The following COL6A3 variants were observed in gnomAD, a reference collection of about 807,000 sequenced individuals.
COL6A3 encodes collagen alpha-3(VI) chain.
Under a neutral mutation model 274.1 loss-of-function variants are expected in COL6A3, and 137 were observed. That is an observed-to-expected ratio of 0.50 (90% CI 0.44 to 0.58). The LOEUF is 0.58. COL6A3 is among the 20% of genes least tolerant of loss of function. COL6A3 has a pLI of 0.00. For synonymous variants in COL6A3, 1,650 were observed against 1,650.6 expected (o/e 1.00, Z 0.01); for missense variants, 3,950 against 4,124.9 (o/e 0.96, Z 1.16).
At chr2:237,336,619 G>A (rs1574932578) in intron 39 of COL6A3, 87 bp from the exon 40 acceptor site, 1 of 1,435,226 alleles carries the variant, frequency 7.0e-7, no homozygotes, top group Non-Finnish European at 9.7e-7. Context: ...CATTAAATTT[G>A]TTTTAGCAAA....
At chr2:237,330,823 TCTC>T (rs1437107932) in intron 42 of COL6A3, among the ~76,000 whole-genome samples, 1 of 152,218 alleles carries the variant, frequency 6.6e-6, no homozygotes, top group Admixed American at 6.5e-5. Flanking sequence ...ACACTGGTCC[TCTC>T]CTCTTCCCCT....
rs11903206 is a variant in COL6A3 at position 237,336,278 on chromosome 2, G to C, written c.8822C>G (p.Ala2941Gly). Residue 2941 changes from alanine to glycine, a missense_variant, in exon 40 of 44, where the codon GCA becomes GGA. By Grantham distance (60) the Ala-to-Gly change is moderately conservative. Around this residue, in one of 5 missense-constraint regions of COL6A3, gnomAD observed 1,284 missense variants for 1,349.7 expected, o/e 0.95. Transcript: ENST00000295550. ...TGGCTTTGCTGCTACAGGCTTCGCT[G>C]CCGTTGCTGGCTTCACCGCCACTGG... is the stretch of plus-strand genomic sequence containing the variant. ...RPPVAVKPAT[A>G]AKPVAAKPAA... The C allele has an allele frequency of 6.2e-7, 1 of 1,613,930 alleles. No homozygotes were observed. The highest frequency in any genetic ancestry group is 1.3e-5 in the African/African-American group (1 of 74,930).
intron 4 of COL6A3, among the ~76,000 whole-genome samples, chr2:237,384,929 C>T (rs2078107807): frequency 6.6e-6 from 1 of 152,184 alleles, no homozygotes; most frequent in Non-Finnish European, 1.5e-5. Context: ...TCCAGCTACA[C>T]TGCCTTCTGA....
rs565512520 is a variant in COL6A3, at chr2:237,402,401, A to G, written c.-30-5554T>C. Among the ~76,000 whole-genome samples the G allele has an allele frequency of 3.9e-5, 6 of 152,338 alleles. No individual in the cohort carries two copies. The South Asian group carries it at 1.2e-3, about 32-fold the overall frequency. On this transcript the variant is annotated intron_variant, in intron 1 of 43. Coordinates refer to ENST00000295550, the MANE Select transcript of COL6A3 (RefSeq NM_004369.4). ...TTATATGGTTTTTACCACAATTAAAATAGAAATGAGGACAGGAAATATCAT... is the reference window on the plus strand; with the variant it reads ...TTATATGGTTTTTACCACAATTAAAGTAGAAATGAGGACAGGAAATATCAT...
intron 1 of COL6A3, among the ~76,000 whole-genome samples, chr2:237,400,477 G>A (rs1035024056): frequency 2.0e-5 from 3 of 151,882 alleles, no homozygotes; most frequent in Admixed American, 1.3e-4. Context: ...GAGGAAAATA[G>A]CACACCAAGA....
intron 4 of COL6A3, among the ~76,000 whole-genome samples, chr2:237,382,637 C>G (rs540166532): frequency 6.6e-6 from 1 of 152,296 alleles, no homozygotes; most frequent in East Asian, 1.9e-4. Flanking sequence ...CTGAGATGGA[C>G]TGTTTTGCAA....
At chr2:237,351,848 C>A (rs2077213532) in intron 26 of COL6A3, among the ~76,000 whole-genome samples, 1 of 152,206 alleles carries the variant, frequency 6.6e-6, no homozygotes, top group Non-Finnish European at 1.5e-5. Context: ...CAAGTTCTTG[C>A]CTGCTTCCAC....
rs773673162 is a variant in COL6A3, at chr2:237,344,941, C to T, written c.7174G>A (p.Gly2392Arg). The T allele has an allele frequency of 6.2e-5, 100 of 1,613,850 alleles. No homozygotes were observed. The highest frequency in any genetic ancestry group is 2.3e-4 in the African/African-American group (17 of 74,874). ...SIKDKCPCCY[G>R]PLECPVFPTE... ...GAGAAAGTCACCAAAATCAACTTAC[C>T]GTAACAGCAAGCTAGAAAAGAAGCA... is the stretch of plus-strand genomic sequence containing the variant. The change falls in exon 35 of 44, where the codon GGG becomes AGG. Residue 2392 changes from glycine to arginine, a missense_variant and splice_region_variant. By Grantham distance (125) the Gly-to-Arg change is moderately radical. Transcript: ENST00000295550. This position sits in a 1 kb window ranked among gnomAD's most constrained non-coding sequence, Gnocchi z 4.8.
intron 4 of COL6A3, among the ~76,000 whole-genome samples, 198 bp downstream of exon 4, chr2:237,387,384 A>G (rs1331448134): frequency 6.6e-6 from 1 of 152,080 alleles, no homozygotes; most frequent in Non-Finnish European, 1.5e-5. Context: ...GCTTTCACTC[A>G]CTCATTGGTC....
chr2:237,401,910 C>T (rs2078599946), intron 1 of COL6A3, among the ~76,000 whole-genome samples: 1 of 152,082 alleles, frequency 6.6e-6, no homozygotes, highest in Non-Finnish European at 1.5e-5. Flanking sequence ...GTCTTGAACT[C>T]CTGGGCTCAA....
Position 237,344,222 on chromosome 2 carries a change from G to A in COL6A3, c.7668+128C>T. The A allele has an allele frequency of 1.4e-6, 2 of 1,409,600 alleles. No individual in the cohort carries two copies. Among genetic ancestry groups the A allele is most frequent in the Non-Finnish European group, 2.0e-6 (2 of 1,003,518 alleles). 87.3% of individuals were successfully genotyped at this position (1,409,600 alleles called of 1,614,324 possible). ...ACCTCACAAGAGAAGTTCTCAGGCAGATGGCCTCATTGGGGACGTTTTAGG... is the reference window on the plus strand; with the variant it reads ...ACCTCACAAGAGAAGTTCTCAGGCAAATGGCCTCATTGGGGACGTTTTAGG... On this transcript the variant is annotated intron_variant, in intron 36 of 43. Transcript: ENST00000295550. This position sits in a 1 kb window ranked among gnomAD's most constrained non-coding sequence, Gnocchi z 4.8.
At chr2:237,357,707 G>T in intron 22 of COL6A3, 110 bp downstream of exon 22, 2 of 1,074,458 alleles carry the variant, frequency 1.9e-6, no homozygotes, top group Non-Finnish European at 2.9e-6. Flanking sequence ...AGGCTACGTT[G>T]CAGTGTTAAA....
chr2:237,378,739 G>C lies in COL6A3; in HGVS notation c.2394C>G (p.Leu798=), dbSNP rs2106366626. ...QIAFNPSLVY[L]MDDFSSLPAL... is the part of the protein sequence containing the mutation. ...CTGGCAGGGAGCTGAAATCATCCAT[G>C]AGATACACCAGGCTTGGGTTAAAAG... The change falls in exon 6 of 44, where the codon CTC becomes CTG. Residue 798 remains leucine, a synonymous_variant. Coordinates refer to ENST00000295550, the MANE Select transcript of COL6A3 (RefSeq NM_004369.4). The C allele has an allele frequency of 6.2e-7, 1 of 1,614,140 alleles. No individual in the cohort carries two copies. The highest frequency in any genetic ancestry group is 1.3e-5 in the African/African-American group (1 of 75,058).
At chr2:237,346,304 A>AT (rs917942545) in intron 32 of COL6A3, among the ~76,000 whole-genome samples, 199 bp downstream of exon 32, 18 of 152,146 alleles carry the variant, frequency 1.2e-4, no homozygotes, top group Non-Finnish European at 2.2e-4. Context: ...CATGAAACCT[A>AT]TTTTTTTAAA....
At position 237,369,151 on chromosome 2, in the gene COL6A3, CA is replaced by C; in HGVS notation, c.4311del (p.Ile1437MetfsTer4). On this transcript the variant is annotated frameshift_variant, in exon 10 of 44. Coordinates refer to ENST00000295550, the MANE Select transcript of COL6A3 (RefSeq NM_004369.4). LOFTEE classifies it high-confidence loss of function. ...CCCTCAGAGCTGTCGATCAGAAAGA[CA>C]ATGTCTGCAGCATCACTCTCAACTG... is the stretch of plus-strand genomic sequence containing the variant. The part of the protein sequence containing the change: ...PPAVESDAAD[I>X]VFLIDSSEGV... 1 of 1,613,038 alleles carries C rather than the reference CA, an allele frequency of 6.2e-7. No homozygotes were observed. Among genetic ancestry groups the C allele is most frequent in the Non-Finnish European group, 8.5e-7 (1 of 1,180,040 alleles).
rs758719329 is a variant in COL6A3 at position 237,367,146 on chromosome 2, C to G, written c.5041G>C (p.Val1681Leu). 5.6e-6 allele frequency: 9 copies of G among 1,614,082 alleles called. No individual in the cohort carries two copies. Among genetic ancestry groups the G allele is most frequent in the Non-Finnish European group, 2.5e-6 (3 of 1,180,042 alleles). Residue 1681 changes from valine (V) to leucine (L), a missense_variant, in exon 11 of 44, where the codon GTC becomes CTC. Around this residue, in one of 5 missense-constraint regions of COL6A3, gnomAD observed 632 missense variants for 623.4 expected, o/e 1.01. Transcript: ENST00000295550. ...EDGDSIQVGL[V>L]QYNSDPTDEF... The stretch of plus-strand genomic sequence containing the variant: ...TCAGTGGGGTCAGAGTTGTACTGGA[C>G]AAGCCCCACTTGGATGGAGTCGCCA...
chr2:237,382,704 AAAAGCAGAC>A (rs1184375992), intron 4 of COL6A3, among the ~76,000 whole-genome samples: 1 of 152,254 alleles, frequency 6.6e-6, no homozygotes, highest in East Asian at 1.9e-4. Context: ...TTGATTTTGT[AAAAGCAGAC>A]AAAGGAAACA....
intron 42 of COL6A3, chr2:237,327,052 T>C (rs1699981628): frequency 6.6e-6 from 1 of 152,152 alleles, no homozygotes; most frequent in Non-Finnish European, 1.5e-5. Flanking sequence ...CTCCAGGAAG[T>C]CAGAATAAAA....
Position 237,352,689 on chromosome 2 carries a change from T to A in COL6A3, c.6691-105A>T. The A allele has an allele frequency of 2.6e-6, 3 of 1,136,378 alleles. No homozygotes were observed. In the Admixed American group the frequency reaches 5.9e-5, roughly 22 times the overall value. 70.4% of individuals were successfully genotyped at this position (1,136,378 alleles called of 1,614,324 possible). ...ACAGGGCCTGGAACCTCACTTCTGC[T>A]GGCCAAAAACGGCCACCAAAACCCA... On this transcript the variant is annotated intron_variant, in intron 25 of 43. Coordinates refer to ENST00000295550, the MANE Select transcript of COL6A3 (RefSeq NM_004369.4).
Sources: gnomAD v4.1 joint callset for allele counts (sites outside exome capture counted in the v4.1 genomes callset) on GRCh38, gnomAD v4.1.1 for gene constraint, gnomAD v4.1.1 regional missense constraint, Gnocchi (gnomAD v3.1) non-coding constraint, MANE v1.5 for transcripts, NCBI Gene and HGNC (gene_info 2026-07-23, HGNC 2026-07-21) for gene names.